SLC24A3: variants seen among roughly 807,000 people sequenced by gnomAD.
The protein encoded by SLC24A3 is solute carrier family 24 member 3, also known as sodium/potassium/calcium exchanger 3.
Under a neutral mutation model 75.8 loss-of-function variants are expected in SLC24A3, and 28 were observed. The observed-to-expected ratio is 0.37, with a 90% CI of 0.27 to 0.51. SLC24A3 has a LOEUF of 0.51. Among genes scored for constraint, SLC24A3 ranks in the 20% least tolerant of loss-of-function variants. The probability of loss-of-function intolerance (pLI) is 0.94; values close to 1 mark genes in which losing one functional copy is unlikely to be tolerated. For missense variants in SLC24A3, 663 were observed against 847.8 expected, an observed-to-expected ratio of 0.78 and a Z score of 2.71; for synonymous variants, 372 against 334.1, an observed-to-expected ratio of 1.11 and a Z score of -1.24.
chr20:19,555,255 A>G (rs1427584337), intron 3 of SLC24A3, among the ~76,000 whole-genome samples: 1 of 152,194 alleles, frequency 6.6e-6, no homozygotes, highest in Non-Finnish European at 1.5e-5. Context: ...GACACCAGAT[A>G]ACAGTGAATG....
At chr20:19,715,207 T>C (rs554394199) in intron 15 of SLC24A3, among the ~76,000 whole-genome samples, 4 of 152,358 alleles carry the variant, frequency 2.6e-5, no homozygotes, top group Middle Eastern at 3.4e-3. Context: ...ATAGTCAGTG[T>C]GGACAGAATA....
At chr20:19,240,115 C>T (rs1307979740) in intron 1 of SLC24A3, among the ~76,000 whole-genome samples, 1 of 152,172 alleles carries the variant, frequency 6.6e-6, no homozygotes. Context: ...ACCAGTAAAG[C>T]TTTATTAATA....
At chr20:19,654,641 CTT>C (rs34507566) in intron 7 of SLC24A3, among the ~76,000 whole-genome samples, 6,163 of 89,630 alleles carry the variant, frequency 0.069, 131 homozygotes, top group African/African-American at 0.13. Context: ...AAATAGAATC[CTT>C]TTTTTTTTTT....
intron 6 of SLC24A3, among the ~76,000 whole-genome samples, chr20:19,642,047 G>C (rs1476172377): frequency 6.6e-6 from 1 of 152,136 alleles, no homozygotes; most frequent in Non-Finnish European, 1.5e-5. Flanking sequence ...TTTCTCATCT[G>C]TGAAATGGGA....
intron 2 of SLC24A3, among the ~76,000 whole-genome samples, chr20:19,374,588 C>A (rs1986048451): frequency 6.6e-6 from 1 of 152,224 alleles, no homozygotes; most frequent in African/African-American, 2.4e-5. Context: ...TTGTAATATG[C>A]ACTGTCCTTT....
intron 6 of SLC24A3, among the ~76,000 whole-genome samples, chr20:19,651,174 T>A (rs2032197431): frequency 1.3e-5 from 2 of 151,998 alleles, no homozygotes; most frequent in African/African-American, 4.8e-5. Context: ...CTCCAGTAGC[T>A]TTTTCAGAAA....
chr20:19,224,279 AAGG>A (rs1981816883), intron 1 of SLC24A3, among the ~76,000 whole-genome samples: 1 of 152,192 alleles, frequency 6.6e-6, no homozygotes, highest in South Asian at 2.1e-4. Flanking sequence ...TTTAGTACAA[AAGG>A]AGTAGTCCAG....
chr20:19,333,598 G>T (rs1366345651), intron 2 of SLC24A3, among the ~76,000 whole-genome samples: 1 of 151,848 alleles, frequency 6.6e-6, no homozygotes, highest in Non-Finnish European at 1.5e-5. Context: ...CAAACAATAT[G>T]TTACTGGTGA....
chr20:19,570,811 G>T (rs2031040669), intron 3 of SLC24A3, among the ~76,000 whole-genome samples: 1 of 152,118 alleles, frequency 6.6e-6, no homozygotes. Context: ...GGAAGGAAGT[G>T]CTGAATTCCA....
intron 3 of SLC24A3, among the ~76,000 whole-genome samples, chr20:19,548,892 A>G (rs1251679765): frequency 6.6e-6 from 1 of 152,252 alleles, no homozygotes; most frequent in African/African-American, 2.4e-5. Context: ...TGGAATGAAC[A>G]TAATAAGGGA....
chr20:19,696,934 G>A, intron 14 of SLC24A3, 23 bp downstream of exon 14: 1 of 1,057,258 alleles, frequency 9.5e-7, no homozygotes, highest in Non-Finnish European at 1.4e-6. Flanking sequence ...GTGGCAATGG[G>A]GAAGGAGGGA....
At chr20:19,275,815 T>C (rs113905419) in intron 1 of SLC24A3, among the ~76,000 whole-genome samples, 5,333 of 152,150 alleles carry the variant, frequency 0.035, 355 homozygotes, top group African/African-American at 0.12. Context: ...GCTATCCCCA[T>C]GGCCCACTCC....
At chr20:19,658,416 C>T (rs1440323993) in intron 7 of SLC24A3, among the ~76,000 whole-genome samples, 1 of 152,210 alleles carries the variant, frequency 6.6e-6, no homozygotes, top group Non-Finnish European at 1.5e-5. Flanking sequence ...GAGCTCAGAA[C>T]AGTTCACTCG....
chr20:19,215,568 C>G (rs1372533818), intron 1 of SLC24A3, among the ~76,000 whole-genome samples: 1 of 151,912 alleles, frequency 6.6e-6, no homozygotes, highest in Non-Finnish European at 1.5e-5. Context: ...ATTGACCTTT[C>G]CCTCCCTCCT....
At chr20:19,553,261 ATGTGTGTGCACCTT>A (rs1241387244) in intron 3 of SLC24A3, among the ~76,000 whole-genome samples, 2 of 151,878 alleles carry the variant, frequency 1.3e-5, no homozygotes, top group African/African-American at 2.4e-5. Context: ...ACACCTCTGT[ATGTGTGTGCACCTT>A]TGTGTGTGCA....
chr20:19,424,152 G>T (rs1417986138), intron 2 of SLC24A3, among the ~76,000 whole-genome samples: 1 of 152,134 alleles, frequency 6.6e-6, no homozygotes, highest in Non-Finnish European at 1.5e-5. Context: ...GAGAGATTAA[G>T]CAGAAACCAA....
At chr20:19,439,843 T>G (rs1987269599) in intron 2 of SLC24A3, among the ~76,000 whole-genome samples, 1 of 152,118 alleles carries the variant, frequency 6.6e-6, no homozygotes, top group Non-Finnish European at 1.5e-5. Flanking sequence ...TGTTAACTCT[T>G]GCTGAGGGTA....
rs1270735776 is a variant in SLC24A3, at chr20:19,517,297, C to T, written c.348+1733C>T. On this transcript the variant is annotated intron_variant, in intron 3 of 16. Coordinates refer to ENST00000328041, the MANE Select transcript of SLC24A3 (RefSeq NM_020689.4). ...AGATATGAGATTTCCACTCTGGACC[C>T]AAACACTGCGTGCTTTCATCCTCCT... 2.0e-5 allele frequency among the ~76,000 whole-genome samples: 3 copies of T among 152,270 alleles called. No individual in the cohort carries two copies. The South Asian group carries it at 6.2e-4, about 32-fold the overall frequency.
At chr20:19,715,913 C>T (rs906901581) in intron 15 of SLC24A3, among the ~76,000 whole-genome samples, 6 of 152,206 alleles carry the variant, frequency 3.9e-5, no homozygotes, top group Admixed American at 3.3e-4. Flanking sequence ...GTCCTCAAAC[C>T]TGAATGCACA....
Sources: allele counts gnomAD v4.1 joint callset (sites outside exome capture counted in the v4.1 genomes callset), GRCh38; gene constraint gnomAD v4.1.1; transcripts MANE v1.5; gene names NCBI Gene and HGNC (gene_info 2026-07-23, HGNC 2026-07-21).